The following BACH1 variants were observed in gnomAD, a reference collection of about 807,000 sequenced individuals.
The protein encoded by BACH1 is BTB domain and CNC homolog 1, also known as transcription regulator protein BACH1.
Under a neutral mutation model 52.9 loss-of-function variants are expected in BACH1, and 35 were observed. The observed-to-expected ratio is 0.66, with a 90% CI of 0.51 to 0.88. The LOEUF (loss-of-function observed/expected upper bound fraction) is 0.88, where lower values mean the gene tolerates loss of function less well. Ranked by LOEUF, BACH1 falls within the 40% of genes least tolerant of loss-of-function variation. The pLI, the probability that BACH1 is intolerant of heterozygous loss-of-function variation, is 0.00. For missense variants in BACH1, 808 were observed against 872.6 expected (o/e 0.93, Z 0.93); for synonymous variants, 321 against 319.6 (o/e 1.00, Z -0.05).
At position 29,332,345 on chromosome 21, in the gene BACH1, A is replaced by T. The variant is rs571290843; in HGVS notation, c.1776+2652A>T. The stretch of plus-strand genomic sequence containing the variant: ...ATAGTAAGGTTCCTTTCATATGGTC[A>T]GTGAATAACTACTGGTTAATTTTCA... On this transcript the variant is annotated intron_variant, in intron 4 of 4. Transcript: ENST00000286800. Among the ~76,000 whole-genome samples, 9 of 152,334 alleles carry T rather than the reference A, an allele frequency of 5.9e-5. No individual in the cohort carries two copies. The South Asian group carries it at 1.7e-3, about 28-fold the overall frequency.
chr21:29,308,430 A>G (rs2088682927), intron 1 of BACH1, among the ~76,000 whole-genome samples: 2 of 152,204 alleles, frequency 1.3e-5, no homozygotes. Context: ...TGATATACTG[A>G]TTGCCCTACG....
At chr21:29,346,466 C>G (rs1265454907), downstream of BACH1, among the ~76,000 whole-genome samples, 1 of 152,166 alleles carries the variant, frequency 6.6e-6, no homozygotes, top group Non-Finnish European at 1.5e-5. Context: ...AATTTCCAAC[C>G]AGGCCCTTCT....
In BACH1 at chr21:29,326,924, T is replaced by C; in HGVS notation, c.1100T>C (p.Leu367Ser). 1 of 1,614,250 alleles carries C rather than the reference T, an allele frequency of 6.2e-7. No homozygotes were observed. The highest frequency in any genetic ancestry group is 1.1e-5 in the South Asian group (1 of 91,086). The change falls in exon 3 of 5, where the codon TTA becomes TCA. Residue 367 changes from leucine to serine, a missense_variant. Coordinates refer to ENST00000286800, the MANE Select transcript of BACH1 (RefSeq NM_001186.4). ...AAAACATTTGGTGAAAGTCAGGATTTACCTTTGAAATCCGACTTGGGCACC... is the reference window on the plus strand; with the variant it reads ...AAAACATTTGGTGAAAGTCAGGATTCACCTTTGAAATCCGACTTGGGCACC... ...QEKTFGESQD[L>S]PLKSDLGTRE... is the part of the protein sequence containing the mutation.
chr21:29,310,198 G>T (rs898583108), intron 1 of BACH1, among the ~76,000 whole-genome samples: 1 of 152,116 alleles, frequency 6.6e-6, no homozygotes, highest in East Asian at 1.9e-4. Flanking sequence ...AATGTAATTG[G>T]CAATCTTTGG....
At chr21:29,338,056 T>A (rs999471428) in intron 4 of BACH1, among the ~76,000 whole-genome samples, 1 of 151,524 alleles carries the variant, frequency 6.6e-6, no homozygotes, top group Non-Finnish European at 1.5e-5. Context: ...GAACTTAAAG[T>A]ATAATATAAA....
chr21:29,335,240 C>T (rs748057350), intron 4 of BACH1, among the ~76,000 whole-genome samples: 2 of 152,152 alleles, frequency 1.3e-5, no homozygotes, highest in South Asian at 2.1e-4. Flanking sequence ...CACATTCCCC[C>T]GTTACTAATG....
Position 29,343,237 on chromosome 21 carries a change from T to G in BACH1, c.*404T>G, listed in dbSNP as rs1371492042. 6.4e-6 allele frequency: 1 copy of G among 155,894 alleles called. No homozygotes were observed. Among genetic ancestry groups the G allele is most frequent in the African/African-American group, 2.4e-5 (1 of 41,480 alleles). 9.7% of individuals were successfully genotyped at this position (155,894 alleles called of 1,614,324 possible). A position where few individuals can be genotyped will look rare whatever the true frequency, so the allele number is the denominator to read the frequency against. On this transcript the variant is annotated 3_prime_UTR_variant, in exon 5 of 5. Coordinates refer to ENST00000286800, the MANE Select transcript of BACH1 (RefSeq NM_001186.4). ...CCTGCAGAAGTTTAATAATTTGACT[T>G]TTTTCTAATATTTTAGTTTGAAAGA...
At chr21:29,348,272 CTGAGTCTCTGA>C (rs945810216), downstream of BACH1, among the ~76,000 whole-genome samples, 117 of 152,262 alleles carry the variant, frequency 7.7e-4, 1 homozygote, top group African/African-American at 2.7e-3. Context: ...AGGTTTGAGG[CTGAGTCTCTGA>C]TGTGCTCACT....
intron 4 of BACH1, among the ~76,000 whole-genome samples, chr21:29,341,101 A>C (rs1342487915): frequency 2.6e-5 from 4 of 152,176 alleles, no homozygotes; most frequent in Non-Finnish European, 5.9e-5. Context: ...AAAATATTTT[A>C]GAAATAACAA....
At chr21:29,360,094 C>T (rs1213310916) in intron 2 of BACH1, among the ~76,000 whole-genome samples, 2 of 152,168 alleles carry the variant, frequency 1.3e-5, no homozygotes, top group South Asian at 2.1e-4. Context: ...TCCCTTACTT[C>T]GAGTTGTTCC....
At chr21:29,319,879 T>G (rs1277078660) in intron 1 of BACH1, among the ~76,000 whole-genome samples, 1 of 151,820 alleles carries the variant, frequency 6.6e-6, no homozygotes, top group Non-Finnish European at 1.5e-5. Flanking sequence ...ACTTCTTTGA[T>G]TGATGGTTTT....
intron 1 of BACH1, among the ~76,000 whole-genome samples, chr21:29,305,713 C>T (rs1427737905): frequency 6.6e-6 from 1 of 152,172 alleles, no homozygotes; most frequent in Non-Finnish European, 1.5e-5. Context: ...CTCTTTTCTC[C>T]CTGTTCCTGC....
intron 1 of BACH1, among the ~76,000 whole-genome samples, chr21:29,311,956 T>C (rs1347945614): frequency 6.6e-6 from 1 of 152,262 alleles, no homozygotes; most frequent in East Asian, 1.9e-4. Flanking sequence ...CATGCTTAAC[T>C]GACAGTGGAG....
In BACH1 at chr21:29,329,438, A is replaced by G. The variant is rs747063647; in HGVS notation, c.1570-49A>G. ...TACCTTCATCTTCCTAGGTTTGACT[A>G]TAATTATAAAATACAGCAATAATTA... is the stretch of plus-strand genomic sequence containing the variant. On this transcript the variant is annotated intron_variant, in intron 3 of 4. Transcript: ENST00000286800. 7 of 1,384,944 alleles carry G rather than the reference A, an allele frequency of 5.1e-6. No homozygotes were observed. The East Asian group carries it at 1.0e-4, about 21-fold the overall frequency. 85.8% of individuals were successfully genotyped at this position (1,384,944 alleles called of 1,614,324 possible).
chr21:29,337,816 C>G (rs996974006), intron 4 of BACH1, among the ~76,000 whole-genome samples: 10 of 152,088 alleles, frequency 6.6e-5, no homozygotes, highest in Admixed American at 2.0e-4. Context: ...GTAATCCCAG[C>G]TACTCGGGAG....
intron 4 of BACH1, among the ~76,000 whole-genome samples, chr21:29,331,100 T>G (rs1403775404): frequency 1.3e-5 from 2 of 152,210 alleles, no homozygotes; most frequent in Admixed American, 1.3e-4. Context: ...AACACTGGTG[T>G]TCTTTCTTAT....
At chr21:29,328,739 ACT>A (rs1569016917) in intron 3 of BACH1, among the ~76,000 whole-genome samples, 1 of 151,326 alleles carries the variant, frequency 6.6e-6, no homozygotes, top group East Asian at 1.9e-4. Context: ...CCACCATTCT[ACT>A]CTCTGTTTCT....
Position 29,326,891 on chromosome 21 carries a change from T to C in BACH1, c.1067T>C (p.Val356Ala), listed in dbSNP as rs1256516554. Residue 356 changes from valine to alanine, a missense_variant, in exon 3 of 5, where the codon GTC becomes GCC. By Grantham distance (64) the Val-to-Ala change is moderately conservative. Transcript: ENST00000286800. Reference sequence around the variant, plus strand: ...GAAAAGCCTTTGTCAGGTACAGACGTCCAAGAAAAAACATTTGGTGAAAGT... The same window carrying C: ...GAAAAGCCTTTGTCAGGTACAGACGCCCAAGAAAAAACATTTGGTGAAAGT... ...LTEKPLSGTDVQEKTFGESQD... is the reference protein window; with the variant it reads ...LTEKPLSGTDAQEKTFGESQD... 3 of 1,614,070 alleles carry C rather than the reference T, an allele frequency of 1.9e-6. No homozygotes were observed. The Admixed American group carries it at 5.0e-5, about 27-fold the overall frequency.
Position 29,325,577 on chromosome 21 carries a change from C to G in BACH1, c.235-482C>G, listed in dbSNP as rs528388509. On this transcript the variant is annotated intron_variant, in intron 2 of 4. Transcript: ENST00000286800. Reference sequence around the variant, plus strand: ...CAGTTAGTATGCATTTACCATGGATCAAGACTTTGTAACTGCTTTACAAAT... The same window carrying G: ...CAGTTAGTATGCATTTACCATGGATGAAGACTTTGTAACTGCTTTACAAAT... Among the ~76,000 whole-genome samples, 5 of 152,282 alleles carry G rather than the reference C, an allele frequency of 3.3e-5. No individual in the cohort carries two copies. In the South Asian group the frequency reaches 1.0e-3, roughly 32 times the overall value.
Sources: allele counts gnomAD v4.1 joint callset (sites outside exome capture counted in the v4.1 genomes callset), GRCh38; gene constraint gnomAD v4.1.1; transcripts MANE v1.5; gene names NCBI Gene and HGNC (gene_info 2026-07-23, HGNC 2026-07-21).